ERBB4: variants seen among roughly 807,000 people sequenced by gnomAD.
The protein encoded by ERBB4 is receptor tyrosine-protein kinase erbB-4.
ERBB4 carries 42 observed loss-of-function variants against 158.0 expected under a neutral mutation model. The ratio of observed to expected loss-of-function variants is 0.27; its 90% CI spans 0.21 to 0.34. ERBB4 has a LOEUF of 0.34. ERBB4 is among the 10% of genes least tolerant of loss of function. The pLI is 1.00. For synonymous variants in ERBB4, 583 were observed against 558.7 expected (o/e 1.04, Z -0.61); for missense variants, 1,333 against 1,624.1 (o/e 0.82, Z 3.08).
At chr2:211,604,431 G>A (rs1191879320) in intron 19 of ERBB4, among the ~76,000 whole-genome samples, 1 of 152,072 alleles carries the variant, frequency 6.6e-6, no homozygotes, top group East Asian at 1.9e-4. Flanking sequence ...CACTTGAGAA[G>A]GATAAACCCA....
At chr2:212,529,047 A>T (rs1692602836) in intron 1 of ERBB4, among the ~76,000 whole-genome samples, 1 of 152,162 alleles carries the variant, frequency 6.6e-6, no homozygotes, top group Non-Finnish European at 1.5e-5. Context: ...TCCTCCCAAG[A>T]GTCTGCAAAA....
intron 1 of ERBB4, among the ~76,000 whole-genome samples, chr2:212,429,815 T>C (rs1483870563): frequency 6.6e-6 from 1 of 152,182 alleles, no homozygotes; most frequent in East Asian, 1.9e-4. Context: ...GACATAAATA[T>C]GCTGATAAGA....
intron 2 of ERBB4, among the ~76,000 whole-genome samples, chr2:211,972,847 A>G (rs898153696): frequency 2.6e-5 from 4 of 152,222 alleles, no homozygotes; most frequent in African/African-American, 9.6e-5. Context: ...AGACACAGGC[A>G]AAGATTTCAT....
intron 19 of ERBB4, among the ~76,000 whole-genome samples, chr2:211,573,673 A>AAAAT (rs1265194954): frequency 2.8e-5 from 4 of 143,366 alleles, no homozygotes; most frequent in African/African-American, 1.1e-4. Flanking sequence ...CCGTCTCAAA[A>AAAAT]AAATAAATAA....
chr2:211,678,314 C>CAAAAAAAA (rs1559409127), intron 13 of ERBB4, among the ~76,000 whole-genome samples: 1 of 17,212 alleles, frequency 5.8e-5, no homozygotes. Flanking sequence ...AAAAAACAAA[C>CAAAAAAAA]AAACAAAAAA....
At chr2:211,975,143 C>G (rs925389015) in intron 2 of ERBB4, among the ~76,000 whole-genome samples, 1 of 152,024 alleles carries the variant, frequency 6.6e-6, no homozygotes, top group African/African-American at 2.4e-5. Context: ...AACATACCTG[C>G]CTAATTTTTG....
At chr2:211,502,562 G>A (rs1337271649) in intron 20 of ERBB4, among the ~76,000 whole-genome samples, 1 of 152,100 alleles carries the variant, frequency 6.6e-6, no homozygotes, top group African/African-American at 2.4e-5. Context: ...GTGCTACAGA[G>A]CTCATATCTC....
At chr2:211,942,595 A>G (rs1035105082) in intron 3 of ERBB4, among the ~76,000 whole-genome samples, 1 of 152,090 alleles carries the variant, frequency 6.6e-6, no homozygotes, top group African/African-American at 2.4e-5. Context: ...TTCTAGGTAT[A>G]ACTTCGGTAT....
chr2:211,653,484 C>CG (rs1262425326), intron 16 of ERBB4, among the ~76,000 whole-genome samples: 1 of 148,244 alleles, frequency 6.7e-6, no homozygotes, highest in African/African-American at 2.5e-5. Flanking sequence ...CCCGCCCCCC[C>CG]CCACGCCCGC....
intron 2 of ERBB4, among the ~76,000 whole-genome samples, chr2:212,089,402 T>C (rs961712814): frequency 2.6e-5 from 4 of 152,174 alleles, no homozygotes; most frequent in African/African-American, 9.7e-5. Context: ...TCTTCTGATA[T>C]GATTTGGATT....
chr2:212,106,462 G>A (rs1424819925), intron 2 of ERBB4, among the ~76,000 whole-genome samples: 5 of 152,200 alleles, frequency 3.3e-5, no homozygotes, highest in Admixed American at 6.5e-5. Context: ...CATTCAACAG[G>A]TGACAGGTGC....
chr2:212,359,917 G>GA (rs1180700768), intron 1 of ERBB4, among the ~76,000 whole-genome samples: 2 of 151,384 alleles, frequency 1.3e-5, no homozygotes, highest in Non-Finnish European at 3.0e-5. Flanking sequence ...TGCCCACTGG[G>GA]AAAAAAGCTT....
chr2:211,651,709 A>G (rs972685447), intron 16 of ERBB4, among the ~76,000 whole-genome samples: 1 of 150,700 alleles, frequency 6.6e-6, no homozygotes, highest in African/African-American at 2.4e-5. Context: ...TGGGGTGGGA[A>G]GGGCTGGTTC....
chr2:211,755,645 T>C (rs1426704124), intron 4 of ERBB4, among the ~76,000 whole-genome samples: 2 of 152,248 alleles, frequency 1.3e-5, no homozygotes, highest in East Asian at 3.8e-4. Flanking sequence ...ACTAAGTTCA[T>C]CTTTTATGCT....
intron 20 of ERBB4, among the ~76,000 whole-genome samples, chr2:211,515,923 T>C (rs937261322): frequency 7.6e-6 from 1 of 130,782 alleles, no homozygotes; most frequent in Non-Finnish European, 1.6e-5. Context: ...TTTTTTTTTT[T>C]TTTTTTTTTG....
intron 3 of ERBB4, among the ~76,000 whole-genome samples, chr2:211,846,492 A>G (rs987392364): frequency 6.6e-6 from 1 of 152,102 alleles, no homozygotes; most frequent in African/African-American, 2.4e-5. Flanking sequence ...CTTAAATATT[A>G]AAAAGAGAGC....
chr2:212,092,301 C>T (rs2078803686), intron 2 of ERBB4, among the ~76,000 whole-genome samples: 1 of 152,162 alleles, frequency 6.6e-6, no homozygotes, highest in Non-Finnish European at 1.5e-5. Flanking sequence ...AGATATTACA[C>T]TGACTTGTTG....
intron 3 of ERBB4, among the ~76,000 whole-genome samples, chr2:211,863,694 T>C (rs914220552): frequency 3.9e-5 from 6 of 151,926 alleles, no homozygotes; most frequent in African/African-American, 1.5e-4. Flanking sequence ...AGTAACAAAC[T>C]CCAGACACAC....
rs147226050 is a variant in ERBB4, at chr2:212,393,772, A to C, written c.82+144677T>G. Among the ~76,000 whole-genome samples, 24 of 152,234 alleles carry C rather than the reference A, an allele frequency of 1.6e-4. No homozygotes were observed. The East Asian group carries it at 4.4e-3, about 28-fold the overall frequency. Reference sequence around the variant, plus strand: ...GTTGCTGTGGCAGATTCTGTTGGTCATATATTAAAAATAGTTCTTTTTGTC... The same window carrying C: ...GTTGCTGTGGCAGATTCTGTTGGTCCTATATTAAAAATAGTTCTTTTTGTC... On this transcript the variant is annotated intron_variant, in intron 1 of 27. Transcript: ENST00000342788.
Sources: gnomAD v4.1 joint callset for allele counts (sites outside exome capture counted in the v4.1 genomes callset) on GRCh38, gnomAD v4.1.1 for gene constraint, MANE v1.5 for transcripts, NCBI Gene and HGNC (gene_info 2026-07-23, HGNC 2026-07-21) for gene names.